The following C10orf90 variants were observed in gnomAD, a reference collection of about 807,000 sequenced individuals.
The protein encoded by C10orf90 is (E2-independent) E3 ubiquitin-conjugating enzyme FATS.
In C10orf90, 56 loss-of-function variants were observed where a neutral mutation model predicts 62.5. That is an observed-to-expected ratio of 0.90 (90% CI 0.72 to 1.12). The LOEUF (loss-of-function observed/expected upper bound fraction) is 1.12, where lower values mean the gene tolerates loss of function less well. Among genes scored for constraint, C10orf90 ranks in the 50% most tolerant of loss-of-function variants. The pLI is 0.00. For synonymous variants in C10orf90, 386 were observed against 340.4 expected, an observed-to-expected ratio of 1.13 and a Z score of -1.47; for missense variants, 970 against 880.4, an observed-to-expected ratio of 1.10 and a Z score of -1.29.
intron 1 of C10orf90, among the ~76,000 whole-genome samples, chr10:126,658,108 C>T (rs926896557): frequency 3.9e-5 from 6 of 152,266 alleles, no homozygotes; most frequent in East Asian, 1.9e-4. Context: ...ACAAGGTGAG[C>T]GCATTCTGTC....
intron 2 of C10orf90, among the ~76,000 whole-genome samples, chr10:126,517,908 C>CAAA (rs34182199): frequency 1.5e-4 from 12 of 80,810 alleles, no homozygotes; most frequent in East Asian, 3.6e-4. Flanking sequence ...GACTCCATCT[C>CAAA]AAAAAAAAAA....
chr10:126,511,089 T>C (rs1430024088), intron 3 of C10orf90, among the ~76,000 whole-genome samples: 2 of 152,194 alleles, frequency 1.3e-5, no homozygotes, highest in African/African-American at 2.4e-5. Context: ...CCTTCCTCCA[T>C]TGAGTTGATC....
In C10orf90 at chr10:126,459,202, G is replaced by T; in HGVS notation, c.2026C>A (p.Arg676Ser). Residue 676 changes from arginine to serine, a missense_variant, in exon 7 of 10, where the codon CGT (arginine) becomes AGT (serine). Coordinates refer to ENST00000488181, the MANE Select transcript of C10orf90 (RefSeq NM_001350921.2). Reference protein sequence around the residue: ...SLTLQEALEVRKPQFISRSQE... With the variant: ...SLTLQEALEVSKPQFISRSQE... The stretch of plus-strand genomic sequence containing the variant: ...GAGCGAGAAATGAACTGAGGCTTAC[G>T]AACTTCCAGTGCTTCCTATGCAAAG... The T allele has an allele frequency of 1.2e-6, 2 of 1,613,916 alleles. No homozygotes were observed. Among genetic ancestry groups the T allele is most frequent in the South Asian group, 1.1e-5 (1 of 91,074 alleles).
rs780117780 is a variant in C10orf90 at position 126,505,081 on chromosome 10, G to T, written c.410C>A (p.Thr137Asn). The change falls in exon 4 of 10, where the codon ACC becomes AAC. Residue 137 changes from threonine (T) to asparagine (N), a missense_variant. Transcript: ENST00000488181. ...TEAKSDFTKE[T>N]LASQNTKMIS... The stretch of plus-strand genomic sequence containing the variant: ...CATTTTTGTGTTTTGTGATGCCAGG[G>T]TCTCCTGCAAATAGAAAAAGATCCC... The T allele has an allele frequency of 3.1e-6, 5 of 1,602,866 alleles. No individual in the cohort carries two copies. The highest frequency in any genetic ancestry group is 1.7e-5 in the Admixed American group (1 of 58,594).
intron 1 of C10orf90, among the ~76,000 whole-genome samples, chr10:126,653,867 T>C (rs1442294345): frequency 2.6e-5 from 4 of 152,238 alleles, no homozygotes; most frequent in Non-Finnish European, 1.5e-5. Flanking sequence ...AAAATGGATG[T>C]TGTGTTAGGC....
At chr10:126,653,651 G>A (rs1846335013) in intron 1 of C10orf90, among the ~76,000 whole-genome samples, 1 of 152,076 alleles carries the variant, frequency 6.6e-6, no homozygotes, top group African/African-American at 2.4e-5. Context: ...CCAAACTCCT[G>A]TTAATGTGCT....
At chr10:126,658,168 T>A (rs1176351590) in intron 1 of C10orf90, among the ~76,000 whole-genome samples, 1 of 152,170 alleles carries the variant, frequency 6.6e-6, no homozygotes, top group Non-Finnish European at 1.5e-5. Flanking sequence ...CCGCTTCCCA[T>A]TGGAACCAGA....
chr10:126,496,579 G>A (rs528991613), intron 4 of C10orf90: 10 of 801,864 alleles, frequency 1.2e-5, no homozygotes, highest in Non-Finnish European at 1.5e-5. Context: ...AATATTTTGA[G>A]ACATTTCCCC....
At chr10:126,651,627 AG>A (rs894913047) in intron 1 of C10orf90, among the ~76,000 whole-genome samples, 19 of 152,148 alleles carry the variant, frequency 1.2e-4, no homozygotes, top group African/African-American at 4.3e-4. Context: ...AACGTTATAC[AG>A]AGCAGGAAAG....
At chr10:126,584,216 A>T (rs1233767199) in intron 2 of C10orf90, among the ~76,000 whole-genome samples, 3 of 152,074 alleles carry the variant, frequency 2.0e-5, no homozygotes, top group African/African-American at 7.2e-5. Flanking sequence ...CCATCTGTCC[A>T]TCTGTCTACT....
chr10:126,431,366 A>G (rs538619992), intron 7 of C10orf90, among the ~76,000 whole-genome samples: 2 of 152,304 alleles, frequency 1.3e-5, no homozygotes, highest in East Asian at 3.9e-4. Flanking sequence ...CCCTAGAGCA[A>G]TTTGTAAGAA....
At chr10:126,519,429 G>A (rs1271677103) in intron 2 of C10orf90, among the ~76,000 whole-genome samples, 1 of 152,120 alleles carries the variant, frequency 6.6e-6, no homozygotes, top group African/African-American at 2.4e-5. Context: ...CAAGAAATGT[G>A]CAAATGGCAA....
chr10:126,617,401 A>T (rs189825385), intron 2 of C10orf90, among the ~76,000 whole-genome samples: 1 of 152,314 alleles, frequency 6.6e-6, no homozygotes, highest in East Asian at 1.9e-4. Context: ...GACACCACTG[A>T]CCTAAATACC....
chr10:126,541,161 G>A (rs1250163911), intron 2 of C10orf90, among the ~76,000 whole-genome samples: 1 of 151,872 alleles, frequency 6.6e-6, no homozygotes, highest in Non-Finnish European at 1.5e-5. Context: ...TTAACAGACT[G>A]GAAGAAAATA....
chr10:126,561,628 T>A (rs1864901842), intron 2 of C10orf90, among the ~76,000 whole-genome samples: 1 of 152,152 alleles, frequency 6.6e-6, no homozygotes, highest in African/African-American at 2.4e-5. Context: ...GCAATGAGGT[T>A]TGGATGTGAC....
chr10:126,516,872 A>AGGCTACCAGCATTCCTT (rs6144146), intron 2 of C10orf90, among the ~76,000 whole-genome samples: 135,398 of 152,016 alleles, frequency 0.89, 60,526 homozygotes, highest in African/African-American at 0.97. Context: ...CAGCTTGTAG[A>AGGCTACCAGCATTCCTT]GGCTCACAGC....
At chr10:126,576,029 A>G (rs1328330055) in intron 2 of C10orf90, among the ~76,000 whole-genome samples, 2 of 152,122 alleles carry the variant, frequency 1.3e-5, no homozygotes, top group Admixed American at 6.5e-5. Context: ...TTTAATGAAT[A>G]AGACCTCAAG....
intron 2 of C10orf90, among the ~76,000 whole-genome samples, chr10:126,628,863 A>G (rs900118358): frequency 6.6e-6 from 1 of 152,176 alleles, no homozygotes; most frequent in African/African-American, 2.4e-5. Flanking sequence ...CCCAGCCACT[A>G]CAGAGGGGCA....
intron 1 of C10orf90, among the ~76,000 whole-genome samples, chr10:126,649,061 T>C (rs868673944): frequency 2.0e-3 from 61 of 30,398 alleles, no homozygotes; most frequent in African/African-American, 4.8e-3. Flanking sequence ...TCTCTCTCTC[T>C]CTCTCTCTCT....
Sources: allele counts gnomAD v4.1 joint callset (sites outside exome capture counted in the v4.1 genomes callset), GRCh38; gene constraint gnomAD v4.1.1; transcripts MANE v1.5; gene names NCBI Gene and HGNC (gene_info 2026-07-23, HGNC 2026-07-21).